SMTN: variants seen among roughly 807,000 people sequenced by gnomAD.
The protein encoded by SMTN is smoothelin.
SMTN carries 58 observed loss-of-function variants against 102.0 expected under a neutral mutation model. That is an observed-to-expected ratio of 0.57 (90% CI 0.46 to 0.71). The LOEUF is 0.71. Among genes scored for constraint, SMTN ranks in the 30% least tolerant of loss-of-function variants. The pLI, the probability that SMTN is intolerant of heterozygous loss-of-function variation, is 0.00. For missense variants in SMTN, 1,185 were observed against 1,241.7 expected (o/e 0.95, Z 0.69); for synonymous variants, 478 against 497.9 (o/e 0.96, Z 0.53).
At chr22:31,097,095 C>A (rs1430416956) in intron 15 of SMTN, 35 bp downstream of exon 15, 7 of 1,597,366 alleles carry the variant, frequency 4.4e-6, no homozygotes, top group Non-Finnish European at 6.0e-6. Context: ...TGCCTGCCTG[C>A]CTGTCCGCCC....
At position 31,091,124 on chromosome 22, in the gene SMTN, C is replaced by T; in HGVS notation, c.1101C>T (p.Pro367=). 3 of 1,613,954 alleles carry T rather than the reference C, an allele frequency of 1.9e-6. No homozygotes were observed. Among genetic ancestry groups the T allele is most frequent in the Non-Finnish European group, 2.5e-6 (3 of 1,179,916 alleles). ...SPLTPARLLG[P]SLTSTTPASS... is the part of the protein sequence containing the mutation. ...TGACCCCCGCAAGGCTCCTGGGCCC[C>T]TCCCTCACCAGCACCACCCCTGCCT... The change falls in exon 10 of 21, where the codon CCC becomes CCT. Residue 367 remains proline, a synonymous_variant. Transcript: ENST00000333137.
upstream of SMTN, among the ~76,000 whole-genome samples, chr22:31,081,115 AC>A (rs541810270): frequency 9.3e-5 from 14 of 151,020 alleles, no homozygotes; most frequent in African/African-American, 3.4e-4. Flanking sequence ...CGCTAAAGCC[AC>A]CGAGGCAGAC....
intron 1 of SMTN, chr22:31,082,375 TC>T (rs948695848): frequency 5.1e-6 from 2 of 392,032 alleles, no homozygotes; most frequent in Non-Finnish European, 1.1e-5. Context: ...CTGAGAGTGT[TC>T]CAGGCCCTTG....
rs2043100971 is a variant in SMTN, at chr22:31,091,146, GCCT to G, written c.1132_1134del (p.Ser379del). 5 of 1,613,700 alleles carry G rather than the reference GCCT, an allele frequency of 3.1e-6. No individual in the cohort carries two copies. Among genetic ancestry groups the G allele is most frequent in the Non-Finnish European group, 4.2e-6 (5 of 1,179,830 alleles). On this transcript the variant is annotated inframe_deletion, in exon 10 of 21. Transcript: ENST00000333137. ...CCCCTCCCTCACCAGCACCACCCCTGCCTCCTCCTCCAGCGGCTCCTCCTCTCG... is the reference window on the plus strand; with the variant it reads ...CCCCTCCCTCACCAGCACCACCCCTGCCTCCTCCAGCGGCTCCTCCTCTCG...
At chr22:31,077,528 T>C (rs548157625), upstream of SMTN, among the ~76,000 whole-genome samples, 355 of 152,248 alleles carry the variant, frequency 2.3e-3, 1 homozygote, top group African/African-American at 8.4e-3. Flanking sequence ...AGTATAAGCA[T>C]GATCAGGAGC....
intron 2 of SMTN, chr22:31,085,335 A>G: frequency 6.9e-7 from 1 of 1,456,410 alleles, no homozygotes; most frequent in East Asian, 2.6e-5. Context: ...GGGCGGTCGC[A>G]GAACCTGCGG....
At chr22:31,104,134 A>C in intron 20 of SMTN, 182 bp from the exon 21 acceptor site, 3 of 639,612 alleles carry the variant, frequency 4.7e-6, no homozygotes, top group Non-Finnish European at 8.0e-6. Flanking sequence ...CCGCCCCGAG[A>C]GATGCCTCCA....
chr22:31,079,036 T>C (rs1255876239), upstream of SMTN, among the ~76,000 whole-genome samples: 1 of 152,242 alleles, frequency 6.6e-6, no homozygotes, highest in Non-Finnish European at 1.5e-5. Context: ...ATGCCTTTAC[T>C]AGGCCAAGGT....
intron 1 of SMTN, among the ~76,000 whole-genome samples, chr22:31,072,728 C>T (rs1050035242): frequency 6.6e-6 from 1 of 152,150 alleles, no homozygotes; most frequent in Non-Finnish European, 1.5e-5. Flanking sequence ...CCCCAGAGTG[C>T]TGGGATTACA....
upstream of SMTN, among the ~76,000 whole-genome samples, chr22:31,080,072 G>A (rs909742091): frequency 2.0e-5 from 3 of 152,178 alleles, no homozygotes; most frequent in African/African-American, 7.2e-5. Context: ...CCGTGCCTTG[G>A]TTTTCTGATG....
chr22:31,077,466 C>T (rs1362381993), upstream of SMTN, among the ~76,000 whole-genome samples: 2 of 152,020 alleles, frequency 1.3e-5, no homozygotes, highest in Non-Finnish European at 2.9e-5. Flanking sequence ...GGTCCTACCT[C>T]ACAGGACTCA....
chr22:31,088,980 T>C lies in SMTN; in HGVS notation c.471+11T>C. On this transcript the variant is annotated intron_variant, in intron 6 of 20. Coordinates refer to ENST00000333137, the MANE Select transcript of SMTN (RefSeq NM_134269.3). ...CTGGAACAGTGTGAGGTAAGGAGGG[T>C]GGGAGAGTGGCCCAGTGTCCTGTGC... 1 of 1,606,964 alleles carries C rather than the reference T, an allele frequency of 6.2e-7. No homozygotes were observed. Among genetic ancestry groups the C allele is most frequent in the Non-Finnish European group, 8.5e-7 (1 of 1,174,530 alleles).
intron 2 of SMTN, among the ~76,000 whole-genome samples, chr22:31,083,952 T>A (rs1985582583): frequency 6.6e-6 from 1 of 152,222 alleles, no homozygotes. Context: ...GCTTCTCATC[T>A]CATTTTTCTA....
upstream of SMTN, among the ~76,000 whole-genome samples, chr22:31,079,774 CTTTTTTT>C (rs2042223123): frequency 6.6e-6 from 1 of 152,126 alleles, no homozygotes; most frequent in Middle Eastern, 3.4e-3. Context: ...TTTCTTTTTT[CTTTTTTT>C]GAGACAGAAT....
In SMTN at chr22:31,100,885, G is replaced by A. The variant is rs751219197; in HGVS notation, c.2604G>A (p.Glu868=). The A allele has an allele frequency of 2.8e-6, 4 of 1,410,598 alleles. No homozygotes were observed. Among genetic ancestry groups the A allele is most frequent in the East Asian group, 8.5e-5 (2 of 23,620 alleles). 87.4% of individuals were successfully genotyped at this position (1,410,598 alleles called of 1,614,324 possible). A position where few individuals can be genotyped will look rare whatever the true frequency, so the allele number is the denominator to read the frequency against. The change falls in exon 20 of 21, where the codon GAG becomes GAA. Residue 868 remains glutamate (E), a splice_region_variant and synonymous_variant. Transcript: ENST00000333137. Reference sequence around the variant, plus strand: ...CTTCCCGGCCCCCTACCCTCCCCAGGACCCATGCGGACTGCCCGCAGCTCC... The same window carrying A: ...CTTCCCGGCCCCCTACCCTCCCCAGAACCCATGCGGACTGCCCGCAGCTCC... ...QNFEVAFSSA[E]THADCPQLLD...
chr22:31,096,463 C>T, intron 13 of SMTN: 1 of 394,044 alleles, frequency 2.5e-6, no homozygotes, highest in East Asian at 3.9e-5. Flanking sequence ...TATAGAAACC[C>T]TTTTTGGATC....
At chr22:31,069,212 T>C (rs1370625234) in intron 1 of SMTN, among the ~76,000 whole-genome samples, 2 of 151,986 alleles carry the variant, frequency 1.3e-5, no homozygotes, top group Admixed American at 6.6e-5. Flanking sequence ...CCAGGATCCT[T>C]ATTGGTCCTT....
intron 16 of SMTN, among the ~76,000 whole-genome samples, chr22:31,097,603 C>A (rs2043697240): frequency 6.6e-6 from 1 of 151,994 alleles, no homozygotes; most frequent in Non-Finnish European, 1.5e-5. Flanking sequence ...ACTGGGGAGG[C>A]CGAGGCACAA....
chr22:31,072,645 ACAGACAGGGTTT>A (rs2042031129), intron 1 of SMTN, among the ~76,000 whole-genome samples: 1 of 151,958 alleles, frequency 6.6e-6, no homozygotes, highest in Non-Finnish European at 1.5e-5. Flanking sequence ...TATTTTTAGT[ACAGACAGGGTTT>A]CACCATCTTG....
Sources: gnomAD v4.1 joint callset for allele counts (sites outside exome capture counted in the v4.1 genomes callset) on GRCh38, gnomAD v4.1.1 for gene constraint, MANE v1.5 for transcripts, NCBI Gene and HGNC (gene_info 2026-07-23, HGNC 2026-07-21) for gene names.